Variants in VPS13A observed in about 807,000 individuals in gnomAD.
VPS13A encodes the protein vacuolar protein sorting 13 homolog A.
A neutral mutation model predicts 390.9 loss-of-function variants in VPS13A; 264 were observed. The observed-to-expected ratio is 0.68, with a 90% confidence interval of 0.61 to 0.75. The LOEUF (loss-of-function observed/expected upper bound fraction) is 0.75, where lower values mean the gene tolerates loss of function less well. VPS13A is among the 30% of genes least tolerant of loss of function. The probability of loss-of-function intolerance (pLI) is 0.00; values close to 1 mark genes in which losing one functional copy is unlikely to be tolerated. For synonymous variants in VPS13A, 1,231 were observed against 1,227.1 expected (o/e 1.00, Z -0.07); for missense variants, 3,409 against 3,733.9 (o/e 0.91, Z 2.27).
chr9:77,411,827 C>T (rs1419052937), intron 71 of VPS13A, among the ~76,000 whole-genome samples: 2 of 151,684 alleles, frequency 1.3e-5, no homozygotes, highest in African/African-American at 2.4e-5. Context: ...AAAATATCAA[C>T]AAAATTGATG....
intron 23 of VPS13A, among the ~76,000 whole-genome samples, chr9:77,267,804 T>G (rs142378429): frequency 0.018 from 2,721 of 152,226 alleles, 55 homozygotes; most frequent in African/African-American, 0.049. Flanking sequence ...CCCAGGGAGA[T>G]GGGAGTTTTA....
intron 3 of VPS13A, among the ~76,000 whole-genome samples, chr9:77,202,419 T>C (rs994569797): frequency 2.6e-5 from 4 of 152,148 alleles, no homozygotes; most frequent in Non-Finnish European, 5.9e-5. Context: ...ATGCTATTTT[T>C]ACAGTTTTAT....
chr9:77,333,180 TA>T (rs1189128442), intron 46 of VPS13A, among the ~76,000 whole-genome samples: 2 of 152,218 alleles, frequency 1.3e-5, no homozygotes, highest in African/African-American at 2.4e-5. Context: ...TCTTGGATAA[TA>T]AAAGTTAATG....
chr9:77,319,488 T>TA (rs1829611250), intron 41 of VPS13A, 84 bp from the exon 42 acceptor site: 1 of 931,898 alleles, frequency 1.1e-6, no homozygotes, highest in African/African-American at 1.6e-5. Flanking sequence ...GACTGGTTTT[T>TA]ATATAGAAGA....
chr9:77,403,234 AG>A lies in VPS13A; in HGVS notation c.9190del, dbSNP rs1446890790. 3 of 1,607,774 alleles carry A rather than the reference AG, an allele frequency of 1.9e-6. No individual in the cohort carries two copies. Among genetic ancestry groups the A allele is most frequent in the Non-Finnish European group, 2.6e-6 (3 of 1,175,752 alleles). Reference sequence around the variant, plus strand: ...TCATTGTCTCTCACTTTTTTCTTTTAGGTCATGGAAAATGGAAGATTTGCAA... The same window carrying A: ...TCATTGTCTCTCACTTTTTTCTTTTAGTCATGGAAAATGGAAGATTTGCAA... On this transcript the variant is annotated splice_acceptor_variant, in intron 68 of 71. Coordinates refer to ENST00000360280, the MANE Select transcript of VPS13A (RefSeq NM_033305.3). LOFTEE classifies it high-confidence loss of function.
At chr9:77,339,494 G>GTTTTTTTTTTTT in intron 47 of VPS13A, 22 bp from the exon 48 acceptor site, 6 of 1,343,316 alleles carry the variant, frequency 4.5e-6, no homozygotes, top group Non-Finnish European at 5.9e-6. Flanking sequence ...ATTTTGTTTT[G>GTTTTTTTTTTTT]TTTTTTTTTT....
At chr9:77,202,633 T>C (rs1027399525) in intron 3 of VPS13A, among the ~76,000 whole-genome samples, 5 of 152,190 alleles carry the variant, frequency 3.3e-5, no homozygotes, top group Admixed American at 1.3e-4. Context: ...ACAGTGATGA[T>C]TGTCGTATTT....
chr9:77,311,739 TA>T (rs768507219), intron 35 of VPS13A, among the ~76,000 whole-genome samples: 7 of 152,208 alleles, frequency 4.6e-5, no homozygotes, highest in Non-Finnish European at 8.8e-5. Context: ...ATAATTAATG[TA>T]ATACAATGTT....
chr9:77,189,797 C>T (rs2131071128), intron 1 of VPS13A, among the ~76,000 whole-genome samples: 2 of 152,194 alleles, frequency 1.3e-5, no homozygotes, highest in South Asian at 4.1e-4. Context: ...TTTTGCAATT[C>T]TCATTGTAGA....
intron 59 of VPS13A, among the ~76,000 whole-genome samples, chr9:77,362,390 T>C (rs1044448697): frequency 2.6e-5 from 4 of 152,208 alleles, no homozygotes; most frequent in African/African-American, 9.6e-5. Flanking sequence ...ACCATTTCTT[T>C]AAAAGACTAT....
Position 77,363,409 on chromosome 9 carries a change from T to A in VPS13A, c.8212-2051T>A, listed in dbSNP as rs1193332859. On this transcript the variant is annotated intron_variant, in intron 59 of 71. Transcript: ENST00000360280. ...ACATTAATTTTTTTTTTTTTATTTT[T>A]TTTTTTTTTTGAGACCTAGGCTCGC... Among the ~76,000 whole-genome samples, 88 of 145,592 alleles carry A rather than the reference T, an allele frequency of 6.0e-4. 1 individual carries two copies. The highest frequency in any genetic ancestry group is 2.1e-3 in the African/African-American group (84 of 40,146).
chr9:77,260,058 A>G, intron 22 of VPS13A, 28 bp from the exon 23 acceptor site: 1 of 1,338,042 alleles, frequency 7.5e-7, no homozygotes, highest in Non-Finnish European at 1.0e-6. Context: ...TTCCTTTATA[A>G]TTACTTATTT....
At chr9:77,285,531 T>TA (rs1331528151) in intron 31 of VPS13A, among the ~76,000 whole-genome samples, 1 of 152,214 alleles carries the variant, frequency 6.6e-6, no homozygotes, top group Non-Finnish European at 1.5e-5. Context: ...AGTAAAGGCT[T>TA]AAAAAAATCC....
intron 40 of VPS13A, among the ~76,000 whole-genome samples, 173 bp from the exon 41 acceptor site, chr9:77,318,062 C>T (rs764135622): frequency 6.6e-6 from 1 of 151,790 alleles, no homozygotes; most frequent in Non-Finnish European, 1.5e-5. Context: ...CATGTAAACA[C>T]ATAACAAGAA....
chr9:77,414,769 A>AT (rs71356600), intron 71 of VPS13A, among the ~76,000 whole-genome samples: 2 of 150,474 alleles, frequency 1.3e-5, no homozygotes, highest in Admixed American at 6.7e-5. Flanking sequence ...AATAATAATA[A>AT]AAACTTAGAG....
chr9:77,414,300 T>A (rs902406134), intron 71 of VPS13A, among the ~76,000 whole-genome samples: 12 of 152,196 alleles, frequency 7.9e-5, no homozygotes, highest in Middle Eastern at 3.2e-3. Context: ...ATATGTTTAT[T>A]GCGGCACTAT....
chr9:77,399,911 CTT>C (rs751920509), intron 68 of VPS13A, among the ~76,000 whole-genome samples: 11 of 152,094 alleles, frequency 7.2e-5, no homozygotes, highest in African/African-American at 9.7e-5. Context: ...TATACATTCT[CTT>C]GTAATATAAT....
intron 68 of VPS13A, among the ~76,000 whole-genome samples, chr9:77,395,501 A>G (rs1834084829): frequency 6.6e-6 from 1 of 152,212 alleles, no homozygotes; most frequent in Admixed American, 6.5e-5. Flanking sequence ...AAGAATTAAC[A>G]AAATGTGACT....
At chr9:77,284,514 T>C (rs1441986196) in intron 31 of VPS13A, among the ~76,000 whole-genome samples, 59 of 152,052 alleles carry the variant, frequency 3.9e-4, no homozygotes, top group Non-Finnish European at 7.4e-5. Context: ...CCAGAAGCCG[T>C]GGTTTTATTT....
Sources: gnomAD v4.1 joint callset for allele counts (sites outside exome capture counted in the v4.1 genomes callset) on GRCh38, gnomAD v4.1.1 for gene constraint, MANE v1.5 for transcripts, NCBI Gene and HGNC (gene_info 2026-07-23, HGNC 2026-07-21) for gene names.